The following SYNE2 variants were observed in gnomAD, a reference collection of about 807,000 sequenced individuals.
SYNE2 encodes nesprin-2.
A neutral mutation model predicts 856.3 loss-of-function variants in SYNE2; 431 were observed. The observed-to-expected ratio is 0.50, with a 90% CI of 0.47 to 0.55. The LOEUF is 0.55. Among genes scored for constraint, SYNE2 ranks in the 20% least tolerant of loss-of-function variants. SYNE2 has a pLI of 0.00. For missense variants in SYNE2, 8,129 were observed against 8,023.2 expected, an observed-to-expected ratio of 1.01 and a Z score of -0.50; for synonymous variants, 2,923 against 2,872.3, an observed-to-expected ratio of 1.02 and a Z score of -0.56.
At position 64,031,012 on chromosome 14, in the gene SYNE2, G is replaced by C. The variant is rs776756586; in HGVS notation, c.6880-4G>C. ...AGATATAACAATCTTTTCTCCACTC[G>C]TAGGAACTAGAGAATAGACTCAGTT... On this transcript the variant is annotated splice_polypyrimidine_tract_variant and splice_region_variant and intron_variant, in intron 44 of 115. Coordinates refer to ENST00000555002, the MANE Select transcript of SYNE2 (RefSeq NM_182914.3). The C allele has an allele frequency of 6.2e-7, 1 of 1,609,458 alleles. No individual in the cohort carries two copies. Among genetic ancestry groups the C allele is most frequent in the Non-Finnish European group, 8.5e-7 (1 of 1,176,176 alleles).
At chr14:64,077,193 G>A (rs941104501) in intron 54 of SYNE2, among the ~76,000 whole-genome samples, 2 of 152,050 alleles carry the variant, frequency 1.3e-5, no homozygotes, top group Admixed American at 6.6e-5. Flanking sequence ...CAAGGATCCC[G>A]GGGGACAGAC....
chr14:63,841,634 A>G (rs576753905), intron 1 of SYNE2, among the ~76,000 whole-genome samples: 1 of 152,346 alleles, frequency 6.6e-6, no homozygotes, highest in Non-Finnish European at 1.5e-5. Context: ...ATGTTTTTCC[A>G]CAGAGCCACA....
chr14:64,169,036 G>A, intron 93 of SYNE2, 65 bp downstream of exon 93: 1 of 1,284,784 alleles, frequency 7.8e-7, no homozygotes, highest in Non-Finnish European at 1.1e-6. Context: ...GTCAGGGCAG[G>A]CTTTCCACCA....
At chr14:64,106,049 C>CAAAA (rs549854082) in intron 64 of SYNE2, among the ~76,000 whole-genome samples, 1 of 92,314 alleles carries the variant, frequency 1.1e-5, no homozygotes. Flanking sequence ...GGCCCTGTCT[C>CAAAA]AAAAAAAAAA....
At chr14:64,137,569 A>G (rs1000093723) in intron 78 of SYNE2, among the ~76,000 whole-genome samples, 11 of 152,146 alleles carry the variant, frequency 7.2e-5, no homozygotes, top group African/African-American at 2.2e-4. Flanking sequence ...TACAAAGTTG[A>G]ATCTGTGCTC....
chr14:63,865,714 A>AC (rs1357475302), intron 1 of SYNE2, among the ~76,000 whole-genome samples: 5,921 of 47,338 alleles, frequency 0.13, 479 homozygotes, highest in Non-Finnish European at 0.17. Context: ...CTCTGTACCC[A>AC]CCCCCCCCCC....
intron 57 of SYNE2, among the ~76,000 whole-genome samples, chr14:64,085,563 C>T (rs79648933): frequency 0.031 from 4,763 of 152,220 alleles, 109 homozygotes; most frequent in Admixed American, 0.065. Context: ...CTGACTTTTA[C>T]GATGTGTTTA....
At chr14:64,084,902 G>A in intron 57 of SYNE2, 1 of 700,372 alleles carries the variant, frequency 1.4e-6, no homozygotes, top group South Asian at 1.5e-5. Context: ...GAGGAGGTGG[G>A]ATCTGCTTCC....
chr14:64,159,594 T>C, intron 87 of SYNE2, 152 bp downstream of exon 87: 1 of 900,226 alleles, frequency 1.1e-6, no homozygotes, highest in South Asian at 1.5e-5. Context: ...GAATCTAGTC[T>C]ATGTAAGATT....
At chr14:63,947,870 T>TA in intron 6 of SYNE2, among the ~76,000 whole-genome samples, 1 of 152,202 alleles carries the variant, frequency 6.6e-6, no homozygotes, top group Non-Finnish European at 1.5e-5. Flanking sequence ...ACCATGTTCC[T>TA]ACTGTGCTGT....
At chr14:63,977,874 A>G in intron 12 of SYNE2, 31 bp from the exon 13 acceptor site, 1 of 1,420,164 alleles carries the variant, frequency 7.0e-7, no homozygotes. Context: ...GGCAATAAGT[A>G]TCGTTTATGT....
At chr14:64,027,373 G>C in intron 42 of SYNE2, 111 bp from the exon 43 acceptor site, 1 of 676,964 alleles carries the variant, frequency 1.5e-6, no homozygotes. Context: ...TGGGAACAAT[G>C]TATATTAGTG....
At chr14:63,877,773 CTG>C (rs1335138187) in intron 1 of SYNE2, among the ~76,000 whole-genome samples, 1 of 151,934 alleles carries the variant, frequency 6.6e-6, no homozygotes, top group African/African-American at 2.4e-5. Flanking sequence ...ATCTCTGTGT[CTG>C]TGTCTTTTTT....
chr14:64,120,515 G>A (rs1222339932), intron 67 of SYNE2, among the ~76,000 whole-genome samples: 2 of 152,192 alleles, frequency 1.3e-5, no homozygotes, highest in East Asian at 1.9e-4. Context: ...TGTAATCCCA[G>A]CCCTTTGGGA....
chr14:64,126,548 G>T, intron 72 of SYNE2, 50 bp from the exon 73 acceptor site: 2 of 1,614,146 alleles, frequency 1.2e-6, no homozygotes, highest in Non-Finnish European at 1.7e-6. Context: ...CCACGTGGAA[G>T]CCTCTTGAGG....
intron 114 of SYNE2, 115 bp downstream of exon 114, chr14:64,224,662 C>G (rs896938667): frequency 1.7e-6 from 2 of 1,159,920 alleles, no homozygotes; most frequent in Non-Finnish European, 1.3e-6. Context: ...GCACAGGTCT[C>G]TGCTGACCCA....
chr14:63,942,014 T>G, intron 5 of SYNE2, 37 bp from the exon 6 acceptor site: 1 of 1,597,422 alleles, frequency 6.3e-7, no homozygotes, highest in African/African-American at 1.3e-5. Flanking sequence ...TGCTCTGGGA[T>G]ATTTCCTCCT....
intron 30 of SYNE2, among the ~76,000 whole-genome samples, chr14:64,006,764 G>A (rs2096799235): frequency 6.6e-6 from 1 of 152,098 alleles, no homozygotes; most frequent in South Asian, 2.1e-4. Context: ...GGAGGTTGAG[G>A]CTGCAGTGAG....
chr14:64,071,194 A>G (rs1191474666), intron 52 of SYNE2, among the ~76,000 whole-genome samples: 1 of 151,920 alleles, frequency 6.6e-6, no homozygotes, highest in Non-Finnish European at 1.5e-5. Context: ...AGTAATGCAT[A>G]TTCATTATAG....
Sources: gnomAD v4.1 joint callset for allele counts (sites outside exome capture counted in the v4.1 genomes callset) on GRCh38, gnomAD v4.1.1 for gene constraint, MANE v1.5 for transcripts, NCBI Gene and HGNC (gene_info 2026-07-23, HGNC 2026-07-21) for gene names.